Variants in GRIA1 observed in about 807,000 individuals in gnomAD.
The protein encoded by GRIA1 is glutamate receptor 1.
Under a neutral mutation model 99.2 loss-of-function variants are expected in GRIA1, and 31 were observed. The ratio of observed to expected loss-of-function variants is 0.31; its 90% confidence interval spans 0.23 to 0.42. The LOEUF is 0.42. Ranked by LOEUF, GRIA1 falls within the 10% of genes least tolerant of loss-of-function variation. The pLI, the probability that GRIA1 is intolerant of heterozygous loss-of-function variation, is 1.00. For missense variants in GRIA1, 782 were observed against 1,157.5 expected (o/e 0.68, Z 4.71); for synonymous variants, 438 against 432.4 (o/e 1.01, Z -0.16).
intron 2 of GRIA1, among the ~76,000 whole-genome samples, chr5:153,578,510 G>C (rs1762770408): frequency 6.6e-6 from 1 of 152,188 alleles, no homozygotes; most frequent in South Asian, 2.1e-4. Flanking sequence ...AGATGAGGCA[G>C]TGCTTGACAG....
At chr5:153,569,524 G>A (rs1486322764) in intron 2 of GRIA1, among the ~76,000 whole-genome samples, 2 of 152,222 alleles carry the variant, frequency 1.3e-5, no homozygotes, top group African/African-American at 2.4e-5. Context: ...GCTGTATGGG[G>A]CAAAAAGCCC....
At chr5:153,776,697 C>T (rs17115211) in intron 13 of GRIA1, among the ~76,000 whole-genome samples, 7,954 of 152,204 alleles carry the variant, frequency 0.052, 253 homozygotes, top group Middle Eastern at 0.12. Flanking sequence ...TGGAAAATAT[C>T]TAGCAAAAGT....
chr5:153,580,086 T>A (rs1762915123), intron 2 of GRIA1, among the ~76,000 whole-genome samples: 1 of 152,214 alleles, frequency 6.6e-6, no homozygotes, highest in African/African-American at 2.4e-5. Flanking sequence ...AAGCACCTAC[T>A]GATGCTTCAG....
At chr5:153,509,086 C>T (rs1036752172) in intron 2 of GRIA1, among the ~76,000 whole-genome samples, 30 of 152,196 alleles carry the variant, frequency 2.0e-4, no homozygotes, top group Middle Eastern at 3.4e-3. Context: ...GCTCATGGGG[C>T]AGAAAACACA....
chr5:153,602,652 G>C (rs966264322), intron 2 of GRIA1, among the ~76,000 whole-genome samples: 2 of 152,098 alleles, frequency 1.3e-5, no homozygotes, highest in Non-Finnish European at 2.9e-5. Context: ...AAAAGATAAA[G>C]TAATTTGCCC....
At chr5:153,622,444 G>A (rs1438952400) in intron 2 of GRIA1, among the ~76,000 whole-genome samples, 2 of 152,142 alleles carry the variant, frequency 1.3e-5, no homozygotes, top group African/African-American at 4.8e-5. Flanking sequence ...AGGCCTCTTA[G>A]GTTAAAGTCC....
At chr5:153,754,011 G>T (rs1762661790) in intron 11 of GRIA1, among the ~76,000 whole-genome samples, 1 of 152,180 alleles carries the variant, frequency 6.6e-6, no homozygotes, top group Non-Finnish European at 1.5e-5. Flanking sequence ...GAAAGTGTTG[G>T]TTTCTCACAG....
In GRIA1 at chr5:153,764,354, C is replaced by G. The variant is rs921150121; in HGVS notation, c.1824-80C>G. 1.7e-5 allele frequency: 18 copies of G among 1,064,000 alleles called. No homozygotes were observed. The Admixed American group carries it at 2.9e-4, about 17-fold the overall frequency. The allele number at this position is 1,064,000 out of a possible 1,614,324, so 65.9% of individuals were successfully genotyped here. On this transcript the variant is annotated intron_variant, in intron 11 of 15. Transcript: ENST00000285900. ...GCCTGACCGCTCTGCTGCCAAGCCC[C>G]GGACCCGTGCTCAGTCCCTCCCCAG...
rs992020599 is a variant in GRIA1 at position 153,753,659 on chromosome 5, T to C, written c.1824-10775T>C. On this transcript the variant is annotated intron_variant, in intron 11 of 15. Coordinates refer to ENST00000285900, the MANE Select transcript of GRIA1 (RefSeq NM_000827.4). ...TGTAAATAAGGTTGAAGTAAGATAA[T>C]AGATTCAACAAGCCACATAAGTTAT... 3.4e-5 allele frequency among the ~76,000 whole-genome samples: 5 copies of C among 146,316 alleles called. No individual in the cohort carries two copies. In the South Asian group the frequency reaches 8.6e-4, roughly 25 times the overall value.
chr5:153,719,832 G>A (rs997492311), intron 11 of GRIA1, among the ~76,000 whole-genome samples: 69 of 152,052 alleles, frequency 4.5e-4, no homozygotes, highest in African/African-American at 1.6e-3. Flanking sequence ...ATAAAATAAG[G>A]ATTATATATT....
chr5:153,664,423 G>A (rs1004117152), intron 5 of GRIA1, among the ~76,000 whole-genome samples: 1 of 152,072 alleles, frequency 6.6e-6, no homozygotes, highest in Non-Finnish European at 1.5e-5. Flanking sequence ...GTGACAGAGG[G>A]CAGTAACCCT....
chr5:153,675,858 A>AT (rs1561755737), intron 6 of GRIA1, among the ~76,000 whole-genome samples: 10 of 116,412 alleles, frequency 8.6e-5, no homozygotes, highest in Non-Finnish European at 1.7e-4. Flanking sequence ...AATGTAATTT[A>AT]ATTTTTTTTT....
rs774858958 is a variant in GRIA1, at chr5:153,647,194, C to A, written c.460+27C>A. The A allele has an allele frequency of 2.4e-5, 38 of 1,605,814 alleles. 1 individual carries two copies. The highest frequency in any genetic ancestry group is 6.7e-5 in the Admixed American group (4 of 59,618). On this transcript the variant is annotated intron_variant, in intron 3 of 15. Coordinates refer to ENST00000285900, the MANE Select transcript of GRIA1 (RefSeq NM_000827.4). ...TAAGCCAAGGGTTAGGGGAGGGAGA[C>A]TTTTGAGGGATGGAGAGAAAATTAC...
intron 13 of GRIA1, among the ~76,000 whole-genome samples, chr5:153,772,001 T>C (rs1397744915): frequency 6.6e-6 from 1 of 152,144 alleles, no homozygotes; most frequent in Non-Finnish European, 1.5e-5. Flanking sequence ...TTGAGTCTGC[T>C]GTGAGTTCCA....
At chr5:153,491,431 G>A in intron 1 of GRIA1, 1 of 454,736 alleles carries the variant, frequency 2.2e-6, no homozygotes, top group Non-Finnish European at 2.9e-6. Context: ...TCTGCTGGGG[G>A]ACAGAAAAGA....
intron 2 of GRIA1, among the ~76,000 whole-genome samples, chr5:153,614,974 GTTA>G (rs1282305000): frequency 1.3e-5 from 2 of 152,198 alleles, no homozygotes; most frequent in Non-Finnish European, 2.9e-5. Flanking sequence ...TGGGTTTACA[GTTA>G]TTATCATTAA....
chr5:153,573,502 T>C (rs1762290899), intron 2 of GRIA1, among the ~76,000 whole-genome samples: 1 of 152,134 alleles, frequency 6.6e-6, no homozygotes, highest in Non-Finnish European at 1.5e-5. Flanking sequence ...AGTATTATCA[T>C]CATCATTTTG....
chr5:153,588,916 A>G (rs1763727691), intron 2 of GRIA1, among the ~76,000 whole-genome samples: 1 of 152,200 alleles, frequency 6.6e-6, no homozygotes, highest in African/African-American at 2.4e-5. Context: ...CATTTGCTTC[A>G]TAACACCTAA....
At chr5:153,543,104 C>T (rs372946150) in intron 2 of GRIA1, among the ~76,000 whole-genome samples, 24 of 152,246 alleles carry the variant, frequency 1.6e-4, no homozygotes, top group African/African-American at 5.1e-4. Flanking sequence ...CAGTGGCTAA[C>T]GCAATACCTA....
Sources: gnomAD v4.1 joint callset for allele counts (sites outside exome capture counted in the v4.1 genomes callset) on GRCh38, gnomAD v4.1.1 for gene constraint, MANE v1.5 for transcripts, NCBI Gene and HGNC (gene_info 2026-07-23, HGNC 2026-07-21) for gene names.